Variants in DACH2 observed in about 807,000 individuals in gnomAD.
DACH2 encodes dachshund family transcription factor 2.
A neutral mutation model predicts 35.8 loss-of-function variants in DACH2; 17 were observed. The observed-to-expected ratio is 0.48, with a 90% CI of 0.33 to 0.71. The LOEUF is 0.71. DACH2 is among the 30% of genes least tolerant of loss of function. The probability of loss-of-function intolerance (pLI) is 0.02; values close to 1 mark genes in which losing one functional copy is unlikely to be tolerated. For synonymous variants in DACH2, 195 were observed against 177.3 expected, an observed-to-expected ratio of 1.10 and a Z score of -0.79; for missense variants, 469 against 472.7, an observed-to-expected ratio of 0.99 and a Z score of 0.07.
At chrX:86,615,481 A>G (rs2039991953) in intron 3 of DACH2, among the ~76,000 whole-genome samples, 1 of 111,199 alleles carries the variant, frequency 9.0e-6, no homozygotes, top group Non-Finnish European at 1.9e-5. Context: ...ATAGTTCACG[A>G]CTAATAATAC....
At chrX:86,434,225 A>G (rs1367742939) in intron 2 of DACH2, among the ~76,000 whole-genome samples, 1 of 111,969 alleles carries the variant, frequency 8.9e-6, no homozygotes, top group African/African-American at 3.2e-5. Context: ...GTACATAATT[A>G]TATCTGTTTA....
chrX:86,222,675 T>G (rs10521384), intron 1 of DACH2, among the ~76,000 whole-genome samples: 3,595 of 110,716 alleles, frequency 0.032, 147 homozygotes, highest in African/African-American at 0.11. Flanking sequence ...AAAGGCAGAC[T>G]TAATTTCACA....
At chrX:86,343,339 C>T (rs780146163) in intron 1 of DACH2, among the ~76,000 whole-genome samples, 1 of 108,538 alleles carries the variant, frequency 9.2e-6, no homozygotes, top group South Asian at 4.0e-4. Flanking sequence ...TTTTCTTATA[C>T]TTCAGATATT....
chrX:86,532,459 G>C (rs1289281604), intron 3 of DACH2, among the ~76,000 whole-genome samples: 1 of 108,831 alleles, frequency 9.2e-6, no homozygotes, highest in Non-Finnish European at 1.9e-5. Context: ...GTTTTCACAG[G>C]AGCTGATGGT....
chrX:86,537,158 A>T (rs1365228920), intron 3 of DACH2, among the ~76,000 whole-genome samples: 7 of 111,715 alleles, frequency 6.3e-5, no homozygotes, highest in Non-Finnish European at 1.3e-4. Flanking sequence ...CAATGTTTCT[A>T]GCTTGTACTA....
intron 2 of DACH2, among the ~76,000 whole-genome samples, chrX:86,509,128 G>A (rs190523685): frequency 3.0e-4 from 34 of 111,583 alleles, no homozygotes; most frequent in East Asian, 2.0e-3. Flanking sequence ...TGATACTAAC[G>A]AAATGCTGGT....
intron 3 of DACH2, among the ~76,000 whole-genome samples, chrX:86,610,296 A>G (rs1162014746): frequency 9.1e-6 from 1 of 109,506 alleles, no homozygotes; most frequent in African/African-American, 3.3e-5. Flanking sequence ...TTAAGACCCA[A>G]AGGTTTCTTT....
At chrX:86,548,818 G>A (rs905744677) in intron 3 of DACH2, among the ~76,000 whole-genome samples, 11 of 112,224 alleles carry the variant, frequency 9.8e-5, no homozygotes, top group Non-Finnish European at 1.7e-4. Context: ...TGTATAACAT[G>A]TAGTTTTCTG....
intron 1 of DACH2, among the ~76,000 whole-genome samples, chrX:86,311,827 C>A (rs2034806125): frequency 9.0e-6 from 1 of 111,350 alleles, no homozygotes; most frequent in Admixed American, 9.6e-5. Context: ...TTGATGCAGA[C>A]TATCAAGATG....
chrX:86,466,910 C>T (rs1248889046), intron 2 of DACH2, among the ~76,000 whole-genome samples: 1 of 111,307 alleles, frequency 9.0e-6, no homozygotes, highest in African/African-American at 3.3e-5. Context: ...AGGCTGCACA[C>T]AGCACAGGGA....
chrX:86,813,642 T>C (rs1251244661), intron 9 of DACH2, among the ~76,000 whole-genome samples: 1 of 106,013 alleles, frequency 9.4e-6, no homozygotes, highest in Non-Finnish European at 1.9e-5. Context: ...GTAATAATAA[T>C]AATAGTAATA....
rs1267245491 is a variant in DACH2 at position 86,714,649 on chromosome X, A to G, written c.1033A>G (p.Thr345Ala). Residue 345 changes from threonine to alanine, a missense_variant, in exon 6 of 12, where the codon ACT becomes GCT. Transcript: ENST00000373125. ...MAMNQMNHLN[T>A]IANMAAAAQI... is the part of the protein sequence containing the mutation. Reference sequence around the variant, plus strand: ...AATGAATCAGATGAACCATCTCAATACTATTGCCAACATGGCTGCTGCAGC... The same window carrying G: ...AATGAATCAGATGAACCATCTCAATGCTATTGCCAACATGGCTGCTGCAGC... The G allele has an allele frequency of 8.3e-7, 1 of 1,207,900 alleles. No homozygotes were observed. Among genetic ancestry groups the G allele is most frequent in the Non-Finnish European group, 1.1e-6 (1 of 892,824 alleles).
At chrX:86,742,522 G>A (rs929336112) in intron 7 of DACH2, 20 of 152,688 alleles carry the variant, frequency 1.3e-4, no homozygotes, top group Middle Eastern at 1.9e-3. Context: ...TTTAGAAGTA[G>A]AAGCATATAA....
intron 1 of DACH2, among the ~76,000 whole-genome samples, chrX:86,294,814 C>T (rs1279407454): frequency 9.2e-6 from 1 of 108,665 alleles, no homozygotes; most frequent in Admixed American, 9.8e-5. Context: ...AGAACCACTG[C>T]TCTCTTCAAA....
chrX:86,406,327 G>A (rs747300155), intron 2 of DACH2, among the ~76,000 whole-genome samples: 6 of 111,393 alleles, frequency 5.4e-5, no homozygotes, highest in Non-Finnish European at 9.4e-5. Context: ...TTATAAATGG[G>A]AGCTAAATAT....
chrX:86,449,627 T>G (rs1030790830), intron 2 of DACH2, among the ~76,000 whole-genome samples: 1 of 105,437 alleles, frequency 9.5e-6, no homozygotes, highest in Non-Finnish European at 1.9e-5. Flanking sequence ...TAGTTTATTT[T>G]GATTTCTTGC....
intron 7 of DACH2, among the ~76,000 whole-genome samples, chrX:86,781,012 C>T (rs1383409519): frequency 9.0e-6 from 1 of 111,354 alleles, no homozygotes; most frequent in African/African-American, 3.3e-5. Flanking sequence ...AAAGGTTCAT[C>T]AGAGTTTATA....
intron 3 of DACH2, among the ~76,000 whole-genome samples, chrX:86,551,396 C>G (rs143272759): frequency 8.9e-6 from 1 of 111,785 alleles, no homozygotes; most frequent in Non-Finnish European, 1.9e-5. Flanking sequence ...ATGTTCACAG[C>G]TTTTTGTCCC....
intron 3 of DACH2, among the ~76,000 whole-genome samples, chrX:86,615,885 G>A (rs1331067402): frequency 1.8e-5 from 2 of 110,531 alleles, no homozygotes; most frequent in Non-Finnish European, 3.8e-5. Flanking sequence ...ACTAAGCATA[G>A]TATCCAATAA....
Sources: gnomAD v4.1 joint callset for allele counts (sites outside exome capture counted in the v4.1 genomes callset) on GRCh38, gnomAD v4.1.1 for gene constraint, MANE v1.5 for transcripts, NCBI Gene and HGNC (gene_info 2026-07-23, HGNC 2026-07-21) for gene names.